Variants in IQSEC1 observed in about 807,000 individuals in gnomAD.
IQSEC1 encodes the protein IQ motif and SEC7 domain-containing protein 1.
Under a neutral mutation model 91.0 loss-of-function variants are expected in IQSEC1, and 31 were observed. The ratio of observed to expected loss-of-function variants is 0.34; its 90% CI spans 0.26 to 0.46. IQSEC1 has a LOEUF of 0.46. Among genes scored for constraint, IQSEC1 ranks in the 20% least tolerant of loss-of-function variants. The probability of loss-of-function intolerance (pLI) is 1.00; values close to 1 mark genes in which losing one functional copy is unlikely to be tolerated. For synonymous variants in IQSEC1, 699 were observed against 662.6 expected, an observed-to-expected ratio of 1.05 and a Z score of -0.84; for missense variants, 1,388 against 1,575.6, an observed-to-expected ratio of 0.88 and a Z score of 2.02.
chr3:13,120,012 G>A (rs911629548), intron 2 of IQSEC1, among the ~76,000 whole-genome samples: 6 of 152,212 alleles, frequency 3.9e-5, no homozygotes, highest in African/African-American at 9.6e-5. Flanking sequence ...CTCTCTGCTC[G>A]CCTGGGCAGG....
At position 12,983,012 on chromosome 3, in the gene IQSEC1, TGTCTGCCCTCTCTGG is replaced by T. The variant is rs1180817340; in HGVS notation, c.24-41162_24-41148del. Reference sequence around the variant, plus strand: ...TAATCAACCTTCAGCAAGGTACAGCTGTCTGCCCTCTCTGGGTGCTTGTGCGTGGGATGGAGGGTG... The same window carrying T: ...TAATCAACCTTCAGCAAGGTACAGCTGTGCTTGTGCGTGGGATGGAGGGTG... On this transcript the variant is annotated intron_variant, in intron 1 of 13. Coordinates refer to ENST00000613206, the MANE Select transcript of IQSEC1 (RefSeq NM_001134382.3). This position sits in a 1 kb window ranked among gnomAD's most constrained non-coding sequence, Gnocchi z 4.3. Among the ~76,000 whole-genome samples the T allele has an allele frequency of 6.6e-6, 1 of 152,240 alleles. No individual in the cohort carries two copies. Among genetic ancestry groups the T allele is most frequent in the African/African-American group, 2.4e-5 (1 of 41,470 alleles).
chr3:12,990,877 C>T (rs1157307185), intron 1 of IQSEC1, among the ~76,000 whole-genome samples: 1 of 152,182 alleles, frequency 6.6e-6, no homozygotes, highest in East Asian at 1.9e-4. Flanking sequence ...CATGTGAAAG[C>T]CCCTGTGATC....
At chr3:13,233,997 A>T (rs2125092645) in intron 1 of IQSEC1, among the ~76,000 whole-genome samples, 1 of 152,368 alleles carries the variant, frequency 6.6e-6, no homozygotes, top group East Asian at 1.9e-4. Flanking sequence ...GGGCTGCTGC[A>T]ATGACTGACA....
intron 1 of IQSEC1, among the ~76,000 whole-genome samples, chr3:13,166,993 G>A (rs750808579): frequency 3.9e-5 from 6 of 152,246 alleles, no homozygotes; most frequent in Admixed American, 1.3e-4. Flanking sequence ...GGGCAGCCCC[G>A]GGGTGGAGGA....
intron 1 of IQSEC1, among the ~76,000 whole-genome samples, chr3:13,222,584 C>G (rs947252072): frequency 6.6e-6 from 1 of 152,228 alleles, no homozygotes; most frequent in African/African-American, 2.4e-5. Flanking sequence ...GTTACCTCCC[C>G]CCAGCAATGG....
chr3:13,054,723 C>G (rs538286689), intron 1 of IQSEC1, among the ~76,000 whole-genome samples: 29 of 152,310 alleles, frequency 1.9e-4, no homozygotes, highest in African/African-American at 7.0e-4. Flanking sequence ...CCCAGGAAAG[C>G]CACCGTGTCA....
At position 12,920,524 on chromosome 3, in the gene IQSEC1, G is replaced by T; in HGVS notation, c.1926C>A (p.Ala642=). 5 of 1,614,242 alleles carry T rather than the reference G, an allele frequency of 3.1e-6. No individual in the cohort carries two copies. Among genetic ancestry groups the T allele is most frequent in the Non-Finnish European group, 4.2e-6 (5 of 1,180,040 alleles). The change falls in exon 6 of 14, where the codon GCC becomes GCA. Residue 642 remains alanine, a synonymous_variant. Coordinates refer to ENST00000613206, the MANE Select transcript of IQSEC1 (RefSeq NM_001134382.3). ...CGGTGTTCAGCAGGATGATGGCGAA[G>T]GCCAGGATGAAAATGGTGTCTGGGT... is the stretch of plus-strand genomic sequence containing the variant. ...FRNPDTIFIL[A]FAIILLNTDM...
intron 1 of IQSEC1, among the ~76,000 whole-genome samples, chr3:13,206,800 G>C (rs1196808196): frequency 6.6e-6 from 1 of 152,118 alleles, no homozygotes. Flanking sequence ...GTATTTATTT[G>C]TGTATTGCTA....
chr3:13,176,651 T>G (rs960626840), intron 1 of IQSEC1, among the ~76,000 whole-genome samples: 1 of 152,148 alleles, frequency 6.6e-6, no homozygotes, highest in African/African-American at 2.4e-5. Flanking sequence ...AGCCGGCATC[T>G]TGAAGCACCC....
At chr3:12,942,282 C>A (rs1034424259) in intron 1 of IQSEC1, among the ~76,000 whole-genome samples, 1 of 152,142 alleles carries the variant, frequency 6.6e-6, no homozygotes, top group Non-Finnish European at 1.5e-5. Flanking sequence ...CTCCTACCAC[C>A]TGCATTAAAT....
chr3:13,100,911 C>T lies in IQSEC1; in HGVS notation c.303-53389G>A, dbSNP rs1159587564. Among the ~76,000 whole-genome samples the T allele has an allele frequency of 2.7e-5, 4 of 148,500 alleles. 1 individual carries two copies. The highest frequency in any genetic ancestry group is 2.1e-4 in the South Asian group (1 of 4,724). ...CCAGTGCTGTGAAGATGAAGAGGGG[C>T]GGCCAGGGAGGGCCTCCCCGAGAGG... On this transcript the variant is annotated intron_variant, in intron 2 of 15. Transcript: ENST00000648114.
intron 1 of IQSEC1, among the ~76,000 whole-genome samples, chr3:13,168,777 A>G (rs966490757): frequency 1.3e-5 from 2 of 152,150 alleles, no homozygotes; most frequent in African/African-American, 4.8e-5. Context: ...CTTCTAATTC[A>G]GATTTTACTT....
chr3:12,922,044 G>A lies in IQSEC1; in HGVS notation c.1853+76C>T. 6.8e-7 allele frequency: 1 copy of A among 1,472,502 alleles called. No individual in the cohort carries two copies. Among genetic ancestry groups the A allele is most frequent in the Non-Finnish European group, 9.1e-7 (1 of 1,100,766 alleles). The allele number at this position is 1,472,502 out of a possible 1,614,324, so 91.2% of individuals were successfully genotyped here. A position where few individuals can be genotyped will look rare whatever the true frequency, so the allele number is the denominator to read the frequency against. ...TAGGGATGGTGGGGATGCAGTCTTT[G>A]GTCCATCCTCGGGCCCTGAAGCTGG... On this transcript the variant is annotated intron_variant, in intron 5 of 13. Transcript: ENST00000613206. This position sits in a 1 kb window ranked among gnomAD's most constrained non-coding sequence, Gnocchi z 5.1.
intron 3 of IQSEC1, among the ~76,000 whole-genome samples, chr3:12,927,434 C>T (rs1369472475): frequency 7.3e-6 from 1 of 136,412 alleles, no homozygotes; most frequent in African/African-American, 2.9e-5. Flanking sequence ...GCTGTCTGGT[C>T]CCTTCCCCAC....
rs1694065523 is a variant in IQSEC1, at chr3:13,193,151, C to T, written c.273-29018G>A. 6.6e-6 allele frequency among the ~76,000 whole-genome samples: 1 copy of T among 152,248 alleles called. No homozygotes were observed. Among genetic ancestry groups the T allele is most frequent in the Non-Finnish European group, 1.5e-5 (1 of 68,048 alleles). ...TGTCCTACGAGCACAGGATGCCCAC[C>T]TGCCCGGGGCTCACACACAGAGCCT... On this transcript the variant is annotated intron_variant, in intron 1 of 15. Coordinates refer to the IQSEC1 transcript ENST00000648114. This position sits in a 1 kb window ranked among gnomAD's most constrained non-coding sequence, Gnocchi z 4.2.
chr3:12,957,538 T>C (rs1418084881), intron 1 of IQSEC1, among the ~76,000 whole-genome samples: 1 of 152,176 alleles, frequency 6.6e-6, no homozygotes, highest in Non-Finnish European at 1.5e-5. Flanking sequence ...TGTGGCAGGC[T>C]CCAGCAGAGA....
At chr3:13,118,901 C>T (rs898824146) in intron 2 of IQSEC1, among the ~76,000 whole-genome samples, 10 of 152,112 alleles carry the variant, frequency 6.6e-5, no homozygotes, top group African/African-American at 1.7e-4. Context: ...GGTGAAACCC[C>T]GTCACTACTA....
intron 1 of IQSEC1, among the ~76,000 whole-genome samples, chr3:13,228,446 G>A (rs191675812): frequency 9.2e-5 from 14 of 152,280 alleles, no homozygotes; most frequent in South Asian, 2.1e-4. Context: ...ACAGGCAGGC[G>A]TGGTCGGAAT....
chr3:13,118,776 C>T (rs1404932558), intron 2 of IQSEC1, among the ~76,000 whole-genome samples: 2 of 152,200 alleles, frequency 1.3e-5, no homozygotes, highest in East Asian at 1.9e-4. Context: ...GTCATGACAC[C>T]TAAAAATGGT....
Sources: allele counts gnomAD v4.1 joint callset (sites outside exome capture counted in the v4.1 genomes callset), GRCh38; gene constraint gnomAD v4.1.1; non-coding constraint Gnocchi (gnomAD v3.1); transcripts MANE v1.5; gene names NCBI Gene and HGNC (gene_info 2026-07-23, HGNC 2026-07-21).